Variants in EPB41L2 observed in about 807,000 individuals in gnomAD.
EPB41L2 encodes the protein erythrocyte membrane protein band 4.1 like 2.
EPB41L2 carries 43 observed loss-of-function variants against 113.0 expected under a neutral mutation model. The observed-to-expected ratio is 0.38, with a 90% confidence interval of 0.30 to 0.49. The LOEUF (loss-of-function observed/expected upper bound fraction) is 0.49, where lower values mean the gene tolerates loss of function less well. Ranked by LOEUF, EPB41L2 falls within the 20% of genes least tolerant of loss-of-function variation. EPB41L2 has a pLI of 0.95. For synonymous variants in EPB41L2, 442 were observed against 436.7 expected, an observed-to-expected ratio of 1.01 and a Z score of -0.15; for missense variants, 1,147 against 1,223.4, an observed-to-expected ratio of 0.94 and a Z score of 0.93.
rs748512079 is a variant in EPB41L2 at position 130,870,088 on chromosome 6, C to G, written c.2082G>C (p.Lys694Asn). 33 of 1,613,634 alleles carry G rather than the reference C, an allele frequency of 2.0e-5. No individual in the cohort carries two copies. The East Asian group carries it at 6.7e-4, about 33-fold the overall frequency. The stretch of plus-strand genomic sequence containing the variant: ...TTTCGTCTTTCCCAACCTCTGCCCG[C>G]TTCTTCTCCTCCACTATATTCAGAG... ...HETLNIVEEK[K>N]RAEVGKDERV... Residue 694 changes from lysine to asparagine, a missense_variant, in exon 15 of 20, where the codon AAG (lysine) becomes AAC (asparagine). Physicochemically the swap from Lys to Asn is moderately conservative, Grantham distance 94. Coordinates refer to ENST00000337057, the MANE Select transcript of EPB41L2 (RefSeq NM_001431.4).
intron 1 of EPB41L2, among the ~76,000 whole-genome samples, chr6:131,059,236 T>G (rs551566564): frequency 4.0e-5 from 6 of 150,422 alleles, no homozygotes; most frequent in African/African-American, 1.5e-4. Flanking sequence ...TGCCTCAGCC[T>G]CCCGAGTAGC....
At chr6:131,018,384 A>G (rs561189316) in intron 1 of EPB41L2, among the ~76,000 whole-genome samples, 1 of 152,276 alleles carries the variant, frequency 6.6e-6, no homozygotes, top group Admixed American at 6.5e-5. Context: ...CAGATGAGAC[A>G]GCTATTTCTA....
intron 14 of EPB41L2, among the ~76,000 whole-genome samples, chr6:130,875,739 C>T (rs1030573855): frequency 4.6e-5 from 7 of 152,082 alleles, no homozygotes; most frequent in Non-Finnish European, 7.4e-5. Flanking sequence ...TGGCTCACGC[C>T]TGTAATCCTA....
At chr6:130,986,732 C>T (rs1475149121) in intron 1 of EPB41L2, among the ~76,000 whole-genome samples, 1 of 151,964 alleles carries the variant, frequency 6.6e-6, no homozygotes, top group African/African-American at 2.4e-5. Flanking sequence ...ATTATAGGCA[C>T]GTGCCACCAC....
chr6:131,007,357 G>A (rs1785840297), intron 1 of EPB41L2, among the ~76,000 whole-genome samples: 1 of 152,170 alleles, frequency 6.6e-6, no homozygotes, highest in Non-Finnish European at 1.5e-5. Flanking sequence ...GGCTTCCCCA[G>A]CCAAATGGAA....
intron 1 of EPB41L2, among the ~76,000 whole-genome samples, chr6:131,023,233 A>G (rs569614838): frequency 6.6e-6 from 1 of 152,336 alleles, no homozygotes; most frequent in South Asian, 2.1e-4. Context: ...TAAAGACTTT[A>G]TTATTTCATC....
chr6:131,040,105 T>C (rs563800583), intron 1 of EPB41L2, among the ~76,000 whole-genome samples: 1 of 152,310 alleles, frequency 6.6e-6, no homozygotes, highest in South Asian at 2.1e-4. Context: ...CACAACAATG[T>C]GAATGGGTTT....
intron 12 of EPB41L2, chr6:130,881,925 ATAC>A (rs1189135848): frequency 6.6e-6 from 1 of 152,204 alleles, no homozygotes; most frequent in Non-Finnish European, 1.5e-5. Flanking sequence ...TGGTCTCCAA[ATAC>A]TACAATAATA....
At chr6:130,902,209 T>G (rs546782877) in intron 6 of EPB41L2, among the ~76,000 whole-genome samples, 9 of 152,222 alleles carry the variant, frequency 5.9e-5, no homozygotes, top group Non-Finnish European at 1.0e-4. Flanking sequence ...ATCTTAGTCC[T>G]GTGGACACTT....
chr6:130,947,023 C>G (rs1000657011), intron 3 of EPB41L2, among the ~76,000 whole-genome samples: 13 of 142,864 alleles, frequency 9.1e-5, no homozygotes, highest in South Asian at 2.4e-4. Context: ...GAAGACCCCC[C>G]CCCCAGCCCC....
rs117282352 is a variant in EPB41L2, at chr6:130,946,456, T to A, written c.705+8649A>T. On this transcript the variant is annotated intron_variant, in intron 3 of 19. Coordinates refer to ENST00000337057, the MANE Select transcript of EPB41L2 (RefSeq NM_001431.4). ...ATCCACTTAATATTAGCAAATGCCC[T>A]CTTTCCTTAAAAGAACACAAATTTC... Among the ~76,000 whole-genome samples the A allele has an allele frequency of 8.5e-3, 1,300 of 152,310 alleles. 10 individuals carry two copies. The highest frequency in any genetic ancestry group is 0.02 in the South Asian group (98 of 4,824).
intron 3 of EPB41L2, among the ~76,000 whole-genome samples, chr6:130,954,197 C>T (rs929971233): frequency 5.3e-5 from 8 of 151,162 alleles, no homozygotes; most frequent in South Asian, 2.1e-4. Flanking sequence ...GGAATACTGG[C>T]GCCCGCCACT....
intron 6 of EPB41L2, 29 bp downstream of exon 6, chr6:130,904,436 G>C (rs1380739669): frequency 1.4e-6 from 2 of 1,472,764 alleles, no homozygotes; most frequent in Non-Finnish European, 1.9e-6. Flanking sequence ...GTAAGGAAAG[G>C]TTCATTTAAA....
At chr6:130,973,224 G>A (rs1562635365) in intron 1 of EPB41L2, among the ~76,000 whole-genome samples, 2 of 151,468 alleles carry the variant, frequency 1.3e-5, no homozygotes, top group African/African-American at 4.8e-5. Context: ...AGTTTCCATG[G>A]CACCTCTGAA....
intron 14 of EPB41L2, among the ~76,000 whole-genome samples, chr6:130,875,548 C>T (rs1787251838): frequency 6.6e-6 from 1 of 152,098 alleles, no homozygotes. Context: ...TTCACATGTC[C>T]ACCTGGTTAT....
chr6:130,979,310 A>T (rs1266446430), intron 1 of EPB41L2, among the ~76,000 whole-genome samples: 1 of 151,656 alleles, frequency 6.6e-6, no homozygotes, highest in Non-Finnish European at 1.5e-5. Flanking sequence ...ACATAGCAAA[A>T]CCCCATCTCT....
chr6:130,916,237 T>C (rs760749076), intron 4 of EPB41L2, among the ~76,000 whole-genome samples: 8 of 152,344 alleles, frequency 5.3e-5, no homozygotes, highest in African/African-American at 1.2e-4. Context: ...GCTGTACTTA[T>C]ATGTATTTTA....
chr6:130,864,775 C>CT (rs3842085), intron 17 of EPB41L2, among the ~76,000 whole-genome samples: 49,463 of 152,100 alleles, frequency 0.33, 8,795 homozygotes, highest in East Asian at 0.45. Flanking sequence ...TTACAAATTA[C>CT]TTTTGCTGTT....
chr6:131,015,487 C>T (rs1240684245), intron 1 of EPB41L2, among the ~76,000 whole-genome samples: 1 of 152,212 alleles, frequency 6.6e-6, no homozygotes, highest in African/African-American at 2.4e-5. Flanking sequence ...CACTCGAGTT[C>T]ACAGTTTAAA....
Sources: gnomAD v4.1 joint callset for allele counts (sites outside exome capture counted in the v4.1 genomes callset) on GRCh38, gnomAD v4.1.1 for gene constraint, MANE v1.5 for transcripts, NCBI Gene and HGNC (gene_info 2026-07-23, HGNC 2026-07-21) for gene names.